Variants in CCDC83 observed in about 807,000 individuals in gnomAD.
CCDC83 encodes the protein coiled-coil domain containing 83, also known as coiled-coil domain-containing protein 83.
In CCDC83, 54 loss-of-function variants were observed where a neutral mutation model predicts 50.1. The observed-to-expected ratio is 1.08, with a 90% CI of 0.87 to 1.35. CCDC83 has a LOEUF of 1.35. CCDC83 is among the 40% of genes most tolerant of loss of function. CCDC83 has a pLI of 0.00. For missense variants in CCDC83, 518 were observed against 473.9 expected (o/e 1.09, Z -0.86); for synonymous variants, 161 against 153.3 (o/e 1.05, Z -0.37).
At chr11:85,873,946 T>C (rs1366274780) in intron 3 of CCDC83, among the ~76,000 whole-genome samples, 5 of 152,332 alleles carry the variant, frequency 3.3e-5, no homozygotes, top group South Asian at 2.1e-4. Flanking sequence ...CCTGAAACTT[T>C]CACAGCTAAC....
rs879793263 is a variant in CCDC83, at chr11:85,908,587, AT to A, written c.673-2693del. 4.0e-3 allele frequency among the ~76,000 whole-genome samples: 599 copies of A among 150,924 alleles called. 10 individuals carry two copies. The highest frequency in any genetic ancestry group is 0.023 in the Admixed American group (354 of 15,094). ...GATAGATAGATAGATAGATAGATAGATAGATAGATAGATAGATAGATAGACA... is the reference window on the plus strand; with the variant it reads ...GATAGATAGATAGATAGATAGATAGAAGATAGATAGATAGATAGATAGACA... On this transcript the variant is annotated intron_variant, in intron 7 of 10. Transcript: ENST00000342404.
chr11:85,872,937 T>C (rs2153683502), intron 2 of CCDC83, among the ~76,000 whole-genome samples: 1 of 152,264 alleles, frequency 6.6e-6, no homozygotes, highest in South Asian at 2.1e-4. Flanking sequence ...TAGGCTAAAT[T>C]ATTTATAAAC....
chr11:85,859,497 A>G (rs2093162840), intron 1 of CCDC83, among the ~76,000 whole-genome samples: 1 of 152,220 alleles, frequency 6.6e-6, no homozygotes, highest in East Asian at 1.9e-4. Context: ...AACAGGTTAA[A>G]GGACCCAGAA....
intron 6 of CCDC83, among the ~76,000 whole-genome samples, chr11:85,897,583 G>C (rs2093381186): frequency 6.6e-6 from 1 of 152,124 alleles, no homozygotes; most frequent in Non-Finnish European, 1.5e-5. Flanking sequence ...GGGATGTTGT[G>C]TGGGCTTCTG....
intron 5 of CCDC83, among the ~76,000 whole-genome samples, chr11:85,894,670 GT>G (rs765789138): frequency 2.6e-5 from 4 of 151,950 alleles, no homozygotes; most frequent in Middle Eastern, 3.4e-3. Flanking sequence ...ACAAGGACGG[GT>G]TTTTTTTCTG....
intron 8 of CCDC83, chr11:85,912,611 C>A (rs369038004): frequency 1.2e-5 from 15 of 1,226,826 alleles, no homozygotes; most frequent in African/African-American, 3.0e-5. Flanking sequence ...GCCCAGTAGG[C>A]AATGCTCACT....
Position 85,886,295 on chromosome 11 carries a change from C to T in CCDC83, c.439C>T (p.Arg147Ter), listed in dbSNP as rs1178704715. ...WEEYKNVGSE[R>*]HAKLITSLQN... ...GGAGTACAAGAATGTAGGGAGTGAACGACATGCTAAACTCATTACCTCCTT... is the reference window on the plus strand; with the variant it reads ...GGAGTACAAGAATGTAGGGAGTGAATGACATGCTAAACTCATTACCTCCTT... The change falls in exon 5 of 11, where the codon CGA (arginine) becomes TGA (stop). Residue 147 changes from arginine to a stop codon, truncating the protein, a stop_gained. Coordinates refer to ENST00000342404, the MANE Select transcript of CCDC83 (RefSeq NM_001286159.2). LOFTEE classifies it high-confidence loss of function. 1.2e-6 allele frequency: 2 copies of T among 1,609,502 alleles called. No homozygotes were observed. The highest frequency in any genetic ancestry group is 1.3e-5 in the African/African-American group (1 of 74,716).
At chr11:85,896,426 A>C (rs1263929139) in intron 6 of CCDC83, among the ~76,000 whole-genome samples, 1 of 149,594 alleles carries the variant, frequency 6.7e-6, no homozygotes, top group African/African-American at 2.5e-5. Context: ...AAAAAAAAAA[A>C]ACCAAAAAAC....
At chr11:85,909,684 G>A (rs556051305) in intron 7 of CCDC83, among the ~76,000 whole-genome samples, 178 of 136,474 alleles carry the variant, frequency 1.3e-3, no homozygotes, top group African/African-American at 2.0e-3. Flanking sequence ...GTGCAGTGGC[G>A]TGATCTCAGC....
chr11:85,856,031 T>C (rs2093137839), intron 1 of CCDC83, among the ~76,000 whole-genome samples: 1 of 152,198 alleles, frequency 6.6e-6, no homozygotes, highest in South Asian at 2.1e-4. Flanking sequence ...AACATTCTTC[T>C]AAAGAAAACA....
At chr11:85,871,272 A>C (rs1410809119) in intron 2 of CCDC83, among the ~76,000 whole-genome samples, 1 of 152,240 alleles carries the variant, frequency 6.6e-6, no homozygotes, top group Non-Finnish European at 1.5e-5. Context: ...TTGAAAGGGA[A>C]TATTGGTCCA....
rs1411953999 is a variant in CCDC83, at chr11:85,890,280, T to C, written c.511+3913T>C. 2.6e-5 allele frequency among the ~76,000 whole-genome samples: 4 copies of C among 152,212 alleles called. No individual in the cohort carries two copies. In the East Asian group the frequency reaches 7.7e-4, roughly 29 times the overall value. Reference sequence around the variant, plus strand: ...GGTGGCTGCTGCCCTGGGCTGGGCCTGCACTCCCGAGTTTGTCAGGGCAAA... The same window carrying C: ...GGTGGCTGCTGCCCTGGGCTGGGCCCGCACTCCCGAGTTTGTCAGGGCAAA... On this transcript the variant is annotated intron_variant, in intron 5 of 10. Transcript: ENST00000342404.
chr11:85,888,759 T>TA (rs776472976), intron 5 of CCDC83, among the ~76,000 whole-genome samples: 3 of 152,216 alleles, frequency 2.0e-5, no homozygotes, highest in Non-Finnish European at 4.4e-5. Context: ...TTTATTTTTT[T>TA]ACCAAATGGT....
At chr11:85,860,454 C>G (rs1393590556) in intron 1 of CCDC83, among the ~76,000 whole-genome samples, 1 of 152,010 alleles carries the variant, frequency 6.6e-6, no homozygotes, top group African/African-American at 2.4e-5. Context: ...TACTATCACA[C>G]AGGAATCACA....
At chr11:85,900,487 T>C (rs1219017566) in intron 7 of CCDC83, among the ~76,000 whole-genome samples, 1 of 152,168 alleles carries the variant, frequency 6.6e-6, no homozygotes, top group Non-Finnish European at 1.5e-5. Flanking sequence ...CCACCTGCCA[T>C]ACCACATACA....
At chr11:85,888,951 G>A (rs2093339286) in intron 5 of CCDC83, among the ~76,000 whole-genome samples, 1 of 152,050 alleles carries the variant, frequency 6.6e-6, no homozygotes, top group Admixed American at 6.5e-5. Flanking sequence ...TTATTGTTCT[G>A]GTACATTTTC....
intron 5 of CCDC83, among the ~76,000 whole-genome samples, chr11:85,887,445 C>T (rs2093332368): frequency 1.3e-5 from 2 of 152,030 alleles, no homozygotes; most frequent in Admixed American, 1.3e-4. Context: ...GCTTGTGGAC[C>T]AATTTGTATG....
intron 1 of CCDC83, among the ~76,000 whole-genome samples, chr11:85,857,476 G>T (rs550608323): frequency 6.6e-6 from 1 of 152,098 alleles, no homozygotes; most frequent in African/African-American, 2.4e-5. Flanking sequence ...TCTGGATGTC[G>T]CTTGGGCCCC....
intron 5 of CCDC83, among the ~76,000 whole-genome samples, chr11:85,891,220 C>T (rs959891376): frequency 6.6e-6 from 1 of 152,208 alleles, no homozygotes; most frequent in Non-Finnish European, 1.5e-5. Flanking sequence ...CCATCATGCA[C>T]CTTATCAAAC....
Sources: gnomAD v4.1 joint callset for allele counts (sites outside exome capture counted in the v4.1 genomes callset) on GRCh38, gnomAD v4.1.1 for gene constraint, MANE v1.5 for transcripts, NCBI Gene and HGNC (gene_info 2026-07-23, HGNC 2026-07-21) for gene names.